Variants in PDE6A observed in about 807,000 individuals in gnomAD.
The protein encoded by PDE6A is phosphodiesterase 6A.
In PDE6A, 84 loss-of-function variants were observed where a neutral mutation model predicts 106.3. That is an observed-to-expected ratio of 0.79 (90% CI 0.66 to 0.95). PDE6A has a LOEUF of 0.95. Ranked by LOEUF, PDE6A falls within the 40% of genes least tolerant of loss-of-function variation. The pLI is 0.00. For missense variants in PDE6A, 1,052 were observed against 1,084.9 expected (o/e 0.97, Z 0.43); for synonymous variants, 394 against 386.6 (o/e 1.02, Z -0.23).
intron 14 of PDE6A, 54 bp from the exon 15 acceptor site, chr5:149,884,921 T>A: frequency 7.3e-7 from 1 of 1,368,328 alleles, no homozygotes; most frequent in Non-Finnish European, 1.0e-6. Flanking sequence ...AAATTAGGAC[T>A]AAACATCAAG....
Position 149,884,762 on chromosome 5 carries a change from C to A in PDE6A, c.1926+18G>T. ...GATCCAGGCCCCGCGGCCTGTAGAC[C>A]CTTGGCCCTCATCCTACCTCGTCTC... On this transcript the variant is annotated intron_variant, in intron 15 of 21. Transcript: ENST00000255266. 6.2e-7 allele frequency: 1 copy of A among 1,610,040 alleles called. No homozygotes were observed. Among genetic ancestry groups the A allele is most frequent in the Non-Finnish European group, 8.5e-7 (1 of 1,176,350 alleles).
At chr5:149,896,950 C>T (rs1752778138) in intron 10 of PDE6A, among the ~76,000 whole-genome samples, 174 bp from the exon 11 acceptor site, 2 of 152,210 alleles carry the variant, frequency 1.3e-5, no homozygotes, top group Non-Finnish European at 2.9e-5. Flanking sequence ...CCATAGAGAC[C>T]TGCATTCAAA....
rs143767685 is a variant in PDE6A at position 149,876,843 on chromosome 5, A to C, written c.2135+6586T>G. Among the ~76,000 whole-genome samples the C allele has an allele frequency of 2.0e-5, 3 of 152,212 alleles. No homozygotes were observed. In the East Asian group the frequency reaches 5.8e-4, roughly 29 times the overall value. On this transcript the variant is annotated intron_variant, in intron 17 of 21. Transcript: ENST00000255266. The stretch of plus-strand genomic sequence containing the variant: ...CAACTTATCTTTTATTTTTAATTCT[A>C]AGAAAGGTAAAGGTACATGGAGGGT...
chr5:149,907,205 G>T, intron 7 of PDE6A, 107 bp downstream of exon 7: 1 of 882,850 alleles, frequency 1.1e-6, no homozygotes, highest in Non-Finnish European at 1.9e-6. Context: ...GGCTTTTAGA[G>T]ATCCACACTT....
rs775248450 is a variant in PDE6A at position 149,921,682 on chromosome 5, T to G, written c.886A>C (p.Met296Leu). Residue 296 changes from methionine (M) to leucine (L), a missense_variant, in exon 5 of 22, where the codon ATG (methionine) becomes CTG (leucine). Met to Leu is a conservative substitution (Grantham distance 15, BLOSUM62 2). Transcript: ENST00000255266. ...KEFFDVWPVL[M>L]GEVPPYSGPR... ...CCAGAGTAAGGTGGAACTTCACCCA[T>G]CAGAACCGGCCACACATCAAAAAAT... 6.2e-7 allele frequency: 1 copy of G among 1,613,800 alleles called. No homozygotes were observed. The highest frequency in any genetic ancestry group is 1.1e-5 in the South Asian group (1 of 91,068).
chr5:149,875,223 G>A (rs1023242710), intron 17 of PDE6A, among the ~76,000 whole-genome samples: 20 of 152,078 alleles, frequency 1.3e-4, no homozygotes, highest in African/African-American at 4.1e-4. Flanking sequence ...AGCTGGGGAG[G>A]GGTGGGGGTG....
intron 6 of PDE6A, among the ~76,000 whole-genome samples, chr5:149,910,503 T>C (rs1753347380): frequency 6.6e-6 from 1 of 151,508 alleles, no homozygotes; most frequent in Non-Finnish European, 1.5e-5. Context: ...AGATTTTTTA[T>C]CATATCTCAC....
intron 3 of PDE6A, 124 bp from the exon 4 acceptor site, chr5:149,931,292 C>T (rs1421038041): frequency 1.1e-6 from 1 of 893,330 alleles, no homozygotes; most frequent in Non-Finnish European, 1.8e-6. Context: ...TCACAATAAT[C>T]CAGAGAAATA....
intron 13 of PDE6A, among the ~76,000 whole-genome samples, chr5:149,892,973 C>T (rs1317157445): frequency 3.3e-5 from 5 of 152,194 alleles, no homozygotes; most frequent in African/African-American, 7.2e-5. Context: ...TGGCCCCATA[C>T]GAAATAGTTA....
intron 5 of PDE6A, 123 bp downstream of exon 5, chr5:149,921,512 C>A: frequency 2.8e-6 from 2 of 721,906 alleles, no homozygotes; most frequent in South Asian, 3.3e-5. Flanking sequence ...ATTCTAACTT[C>A]AAAGGAGACA....
chr5:149,943,791 A>G (rs950322270), intron 1 of PDE6A, among the ~76,000 whole-genome samples: 2 of 149,688 alleles, frequency 1.3e-5, no homozygotes, highest in South Asian at 2.1e-4. Context: ...AGTACTGTGT[A>G]GAAGTACTGT....
In PDE6A at chr5:149,867,755, C is replaced by CAGG; in HGVS notation, c.2241_2243dup (p.Leu748dup). On this transcript the variant is annotated inframe_insertion, in exon 19 of 22. Coordinates refer to ENST00000255266, the MANE Select transcript of PDE6A (RefSeq NM_000440.3). ...GATTCTGTTGCAGCACCGTGCGCTC[C>CAGG]AGGTCACCTTGTTCCCAGAATTCAG... The CAGG allele has an allele frequency of 6.2e-7, 1 of 1,613,938 alleles. No individual in the cohort carries two copies. The highest frequency in any genetic ancestry group is 1.3e-5 in the African/African-American group (1 of 75,014).
At chr5:149,890,125 T>A (rs1304622986) in intron 13 of PDE6A, among the ~76,000 whole-genome samples, 2 of 151,854 alleles carry the variant, frequency 1.3e-5, no homozygotes, top group African/African-American at 4.8e-5. Flanking sequence ...GGCTAATTTT[T>A]AAAATATTTT....
intron 11 of PDE6A, 77 bp downstream of exon 11, chr5:149,896,634 A>C: frequency 6.2e-7 from 1 of 1,613,786 alleles, no homozygotes; most frequent in South Asian, 1.1e-5. Flanking sequence ...ATGCTTTGCA[A>C]GGAGAAACCC....
At chr5:149,888,029 T>A (rs1752380855) in intron 13 of PDE6A, among the ~76,000 whole-genome samples, 1 of 151,952 alleles carries the variant, frequency 6.6e-6, no homozygotes, top group African/African-American at 2.4e-5. Context: ...ACCTAACATG[T>A]GGGAGGGTGA....
chr5:149,884,192 A>AG (rs1369796758), intron 16 of PDE6A, among the ~76,000 whole-genome samples: 1 of 129,174 alleles, frequency 7.7e-6, no homozygotes, highest in African/African-American at 2.9e-5. Flanking sequence ...AAAAAAGAAA[A>AG]AAAAAAAATA....
In PDE6A at chr5:149,896,392, C is replaced by T; in HGVS notation, c.1584G>A (p.Glu528=). ...LVKCGIQMYY[E]LKVVDKFHIP... ...TGTGAAATTTATCCACCACTTTGAG[C>T]TCATAATACATCTGTATTCCACATT... The change falls in exon 12 of 22, where the codon GAG becomes GAA. Residue 528 remains glutamate (E), a synonymous_variant. Coordinates refer to ENST00000255266, the MANE Select transcript of PDE6A (RefSeq NM_000440.3). 2 of 1,614,078 alleles carry T rather than the reference C, an allele frequency of 1.2e-6. No individual in the cohort carries two copies. Among genetic ancestry groups the T allele is most frequent in the Non-Finnish European group, 1.7e-6 (2 of 1,179,942 alleles).
chr5:149,928,231 A>ATTTTTTTTTTTTTTTTTTTTTTT (rs1165259453), intron 4 of PDE6A, among the ~76,000 whole-genome samples: 1 of 19,754 alleles, frequency 5.1e-5, no homozygotes, highest in Non-Finnish European at 8.3e-5. Context: ...ATATATATAT[A>ATTTTTTTTTTTTTTTTTTTTTTT]TTTTTTTTTT....
chr5:149,940,924 C>T (rs1281234403), intron 1 of PDE6A, among the ~76,000 whole-genome samples: 1 of 152,178 alleles, frequency 6.6e-6, no homozygotes, highest in Non-Finnish European at 1.5e-5. Context: ...AAGCCCCCTT[C>T]CTCTCCTATT....
Sources: allele counts gnomAD v4.1 joint callset (sites outside exome capture counted in the v4.1 genomes callset), GRCh38; gene constraint gnomAD v4.1.1; transcripts MANE v1.5; gene names NCBI Gene and HGNC (gene_info 2026-07-23, HGNC 2026-07-21).